Variants in LIPI observed in about 807,000 individuals in gnomAD.
LIPI encodes lipase member I.
In LIPI, 59 loss-of-function variants were observed where a neutral mutation model predicts 50.6. The observed-to-expected ratio is 1.16, with a 90% CI of 0.94 to 1.45. The LOEUF is 1.45. Ranked by LOEUF, LIPI falls within the 40% of genes most tolerant of loss-of-function variation. LIPI has a pLI of 0.00. For missense variants in LIPI, 586 were observed against 536.3 expected, an observed-to-expected ratio of 1.09 and a Z score of -0.92; for synonymous variants, 203 against 178.2, an observed-to-expected ratio of 1.14 and a Z score of -1.11.
chr21:14,120,758 T>G (rs2016830841), intron 9 of LIPI, among the ~76,000 whole-genome samples: 1 of 152,182 alleles, frequency 6.6e-6, no homozygotes, highest in African/African-American at 2.4e-5. Flanking sequence ...AGTTTTCAGA[T>G]GGGGAGGCGT....
At chr21:14,194,535 A>G (rs1195412325) in intron 1 of LIPI, among the ~76,000 whole-genome samples, 1 of 152,198 alleles carries the variant, frequency 6.6e-6, no homozygotes, top group Non-Finnish European at 1.5e-5. Context: ...AGTGAAAATA[A>G]ACTGGACATA....
At chr21:14,182,454 T>C (rs966366704) in intron 3 of LIPI, among the ~76,000 whole-genome samples, 2 of 152,180 alleles carry the variant, frequency 1.3e-5, no homozygotes, top group African/African-American at 4.8e-5. Flanking sequence ...CATGACTTTC[T>C]GGGAATTGTC....
chr21:14,151,752 C>A (rs2018099301), intron 8 of LIPI, among the ~76,000 whole-genome samples: 1 of 151,912 alleles, frequency 6.6e-6, no homozygotes, highest in African/African-American at 2.4e-5. Flanking sequence ...AAGCTCAAGC[C>A]AAGAGCATTC....
intron 1 of LIPI, among the ~76,000 whole-genome samples, chr21:14,202,941 A>G (rs2020108852): frequency 6.6e-6 from 1 of 152,208 alleles, no homozygotes; most frequent in Non-Finnish European, 1.5e-5. Context: ...CCATCTGACA[A>G]AGGGCTAATA....
intron 4 of LIPI, among the ~76,000 whole-genome samples, chr21:14,172,927 C>T (rs9980684): frequency 0.021 from 3,123 of 151,904 alleles, 98 homozygotes; most frequent in African/African-American, 0.071. Flanking sequence ...GTCGAAAATA[C>T]TTTATAGTGG....
chr21:14,151,203 C>T (rs1042794944), intron 8 of LIPI, among the ~76,000 whole-genome samples: 1 of 152,068 alleles, frequency 6.6e-6, no homozygotes, highest in African/African-American at 2.4e-5. Flanking sequence ...TGAGCTATGG[C>T]TACTTTTTAT....
intron 4 of LIPI, among the ~76,000 whole-genome samples, chr21:14,169,897 A>G (rs1055563517): frequency 6.6e-6 from 1 of 152,096 alleles, no homozygotes; most frequent in African/African-American, 2.4e-5. Flanking sequence ...GACACAAAAA[A>G]CCCTTCAAAA....
intron 4 of LIPI, among the ~76,000 whole-genome samples, chr21:14,173,909 C>T (rs977596615): frequency 1.8e-4 from 28 of 152,230 alleles, no homozygotes; most frequent in Non-Finnish European, 3.2e-4. Flanking sequence ...TGAGGGTATG[C>T]TAGCCAGTCT....
At chr21:14,201,709 A>G (rs1333264147) in intron 1 of LIPI, among the ~76,000 whole-genome samples, 1 of 152,176 alleles carries the variant, frequency 6.6e-6, no homozygotes, top group Non-Finnish European at 1.5e-5. Context: ...GCTATCTATG[A>G]CAAGCCCACA....
intron 1 of LIPI, among the ~76,000 whole-genome samples, chr21:14,205,076 G>C (rs1054768456): frequency 4.6e-5 from 7 of 151,060 alleles, no homozygotes; most frequent in African/African-American, 1.7e-4. Context: ...ACCAGGTAAG[G>C]GATATAAACA....
rs140607205 is a variant in LIPI at position 14,197,026 on chromosome 21, T to TAC, written c.47-7609_47-7608dup. Reference sequence around the variant, plus strand: ...ATATCAAACATAAAGATAGGACAAATACACACACACACACACACACACATA... The same window carrying TAC: ...ATATCAAACATAAAGATAGGACAAATACACACACACACACACACACACACATA... On this transcript the variant is annotated intron_variant, in intron 1 of 9. Coordinates refer to ENST00000681601, the MANE Select transcript of LIPI (RefSeq NM_001302998.2). Among the ~76,000 whole-genome samples the TAC allele has an allele frequency of 8.6e-3, 1,273 of 147,188 alleles. 10 individuals are homozygous for TAC. The highest frequency in any genetic ancestry group is 0.02 in the African/African-American group (804 of 39,774).
At chr21:14,190,247 A>T (rs953879386) in intron 1 of LIPI, among the ~76,000 whole-genome samples, 3 of 152,174 alleles carry the variant, frequency 2.0e-5, no homozygotes, top group Admixed American at 6.5e-5. Flanking sequence ...AGCAATAGTC[A>T]TTGCTAGACA....
intron 4 of LIPI, among the ~76,000 whole-genome samples, chr21:14,176,428 C>G (rs534636104): frequency 1.3e-4 from 20 of 151,864 alleles, no homozygotes; most frequent in African/African-American, 4.8e-4. Flanking sequence ...CAGCTGTACT[C>G]AAAACTATAC....
intron 9 of LIPI, among the ~76,000 whole-genome samples, chr21:14,134,447 A>G (rs2017416182): frequency 6.6e-6 from 1 of 152,196 alleles, no homozygotes; most frequent in African/African-American, 2.4e-5. Flanking sequence ...AAAAATCTAA[A>G]ATTCGTATGG....
At chr21:14,128,675 T>TAAATC (rs142490998) in intron 9 of LIPI, among the ~76,000 whole-genome samples, 20,775 of 150,782 alleles carry the variant, frequency 0.14, 1,849 homozygotes, top group South Asian at 0.21. Context: ...CGATATATCT[T>TAAATC]AAGTGTGTCA....
chr21:14,162,681 C>A (rs1030254164), intron 7 of LIPI, among the ~76,000 whole-genome samples: 13 of 151,790 alleles, frequency 8.6e-5, no homozygotes, highest in African/African-American at 3.1e-4. Flanking sequence ...CAGGACACAT[C>A]ACTAATGTTT....
At chr21:14,183,126 G>A (rs1185363337) in intron 3 of LIPI, among the ~76,000 whole-genome samples, 2 of 152,110 alleles carry the variant, frequency 1.3e-5, no homozygotes, top group Middle Eastern at 3.2e-3. Flanking sequence ...CCAAAACAGA[G>A]AAATAGACCA....
At chr21:14,157,759 C>T (rs369595146) in intron 7 of LIPI, among the ~76,000 whole-genome samples, 23 of 151,926 alleles carry the variant, frequency 1.5e-4, no homozygotes, top group African/African-American at 5.6e-4. Context: ...CCATGAACCA[C>T]AGAGAATTAT....
At chr21:14,151,831 G>A (rs1452401862) in intron 8 of LIPI, among the ~76,000 whole-genome samples, 1 of 151,832 alleles carries the variant, frequency 6.6e-6, no homozygotes, top group Admixed American at 6.6e-5. Flanking sequence ...TACATAAAAA[G>A]TTAAATAAAA....
Sources: allele counts gnomAD v4.1 joint callset (sites outside exome capture counted in the v4.1 genomes callset), GRCh38; gene constraint gnomAD v4.1.1; transcripts MANE v1.5; gene names NCBI Gene and HGNC (gene_info 2026-07-23, HGNC 2026-07-21).